Variants in CSMD1 observed in about 807,000 individuals in gnomAD.
The protein encoded by CSMD1 is CUB and Sushi multiple domains 1.
Under a neutral mutation model 417.5 loss-of-function variants are expected in CSMD1, and 213 were observed. That is an observed-to-expected ratio of 0.51 (90% CI 0.46 to 0.57). The LOEUF (loss-of-function observed/expected upper bound fraction) is 0.57. Among genes scored for constraint, CSMD1 ranks in the 20% least tolerant of loss-of-function variants. The probability of loss-of-function intolerance (pLI) is 0.00; values close to 1 mark genes in which losing one functional copy is unlikely to be tolerated. For missense variants in CSMD1, 6,923 were observed against 4,529.7 expected (o/e 1.53, Z -15.17); for synonymous variants, 2,862 against 1,736.8 (o/e 1.65, Z -16.11).
intron 3 of CSMD1, among the ~76,000 whole-genome samples, chr8:4,296,229 T>A (rs1341860971): frequency 6.6e-6 from 1 of 152,090 alleles, no homozygotes; most frequent in Non-Finnish European, 1.5e-5. Context: ...CTTAAAACCT[T>A]GATCAGTGAT....
At chr8:3,158,465 G>A (rs770306204) in intron 38 of CSMD1, among the ~76,000 whole-genome samples, 5 of 152,060 alleles carry the variant, frequency 3.3e-5, no homozygotes, top group East Asian at 1.9e-4. Flanking sequence ...GCACTGGGTC[G>A]TTTCTTTATC....
intron 48 of CSMD1, among the ~76,000 whole-genome samples, 164 bp from the exon 49 acceptor site, chr8:3,087,449 G>C (rs1014970840): frequency 2.6e-5 from 4 of 152,194 alleles, no homozygotes; most frequent in African/African-American, 9.7e-5. Context: ...AAACTTGAGA[G>C]TCTAAGAGGC....
chr8:3,019,026 T>C (rs1039473228), intron 51 of CSMD1, among the ~76,000 whole-genome samples: 1 of 152,160 alleles, frequency 6.6e-6, no homozygotes, highest in Non-Finnish European at 1.5e-5. Flanking sequence ...CAAGTGATTC[T>C]CCTCCCTCAG....
intron 12 of CSMD1, among the ~76,000 whole-genome samples, chr8:3,441,721 C>T (rs565948768): frequency 8.5e-5 from 13 of 152,092 alleles, no homozygotes; most frequent in African/African-American, 2.9e-4. Context: ...CATGTGAAAG[C>T]GGAGCAGTGC....
In CSMD1 at chr8:4,406,532, G is replaced by C. The variant is rs139877788; in HGVS notation, c.415+13421C>G. On this transcript the variant is annotated intron_variant, in intron 3 of 69. Transcript: ENST00000635120. The stretch of plus-strand genomic sequence containing the variant: ...TAGTTGATATTACTTTTCATTCTAA[G>C]AAGTTTGAGGAGCACAGAGTCCTGC... Among the ~76,000 whole-genome samples, 435 of 152,264 alleles carry C rather than the reference G, an allele frequency of 2.9e-3. 2 individuals carry two copies. Among genetic ancestry groups the C allele is most frequent in the African/African-American group, 0.01 (417 of 41,538 alleles).
At chr8:4,976,661 A>T (rs757759040) in intron 1 of CSMD1, among the ~76,000 whole-genome samples, 1 of 152,150 alleles carries the variant, frequency 6.6e-6, no homozygotes, top group African/African-American at 2.4e-5. Flanking sequence ...TCCACCCTAA[A>T]TAGGATGAGA....
rs767017345 is a variant in CSMD1 at position 4,290,361 on chromosome 8, G to A, written c.415+129592C>T. 4.9e-4 allele frequency among the ~76,000 whole-genome samples: 75 copies of A among 152,216 alleles called. 1 individual carries two copies. Among genetic ancestry groups the A allele is most frequent in the Non-Finnish European group, 8.5e-4 (58 of 68,034 alleles). On this transcript the variant is annotated intron_variant, in intron 3 of 69. Coordinates refer to ENST00000635120, the MANE Select transcript of CSMD1 (RefSeq NM_033225.6). The stretch of plus-strand genomic sequence containing the variant: ...CAGTAATGCTCTATGACATCTGAAT[G>A]GAGGGAGAGAAGCCCAAAGACGTAG...
At chr8:4,450,831 G>C (rs1056301621) in intron 2 of CSMD1, among the ~76,000 whole-genome samples, 1 of 152,154 alleles carries the variant, frequency 6.6e-6, no homozygotes, top group Admixed American at 6.5e-5. Flanking sequence ...CTGCACTTGT[G>C]AGTAAGGGTG....
chr8:3,147,283 TTCTATC>T (rs1200192940), intron 40 of CSMD1, among the ~76,000 whole-genome samples: 9 of 152,224 alleles, frequency 5.9e-5, no homozygotes, highest in African/African-American at 2.2e-4. Flanking sequence ...CTCAATAATC[TTCTATC>T]TCTATTTTCA....
At chr8:3,401,894 A>G (rs1466355141) in intron 15 of CSMD1, among the ~76,000 whole-genome samples, 1 of 152,152 alleles carries the variant, frequency 6.6e-6, no homozygotes, top group East Asian at 1.9e-4. Flanking sequence ...CACTTAGCTG[A>G]TAACAAAAAA....
rs528259401 is a variant in CSMD1 at position 3,656,591 on chromosome 8, T to C, written c.1010-39794A>G. 6.6e-5 allele frequency among the ~76,000 whole-genome samples: 10 copies of C among 152,258 alleles called. No homozygotes were observed. The East Asian group carries it at 1.7e-3, about 27-fold the overall frequency. On this transcript the variant is annotated intron_variant, in intron 7 of 69. Transcript: ENST00000635120. ...GGAGAGGAGTTTTCTTACGAAGCCC[T>C]TTACTCTCCTTTCTTCCTTGCTGGT...
At chr8:3,757,044 C>G (rs988664985) in intron 5 of CSMD1, among the ~76,000 whole-genome samples, 2 of 152,168 alleles carry the variant, frequency 1.3e-5, no homozygotes, top group African/African-American at 4.8e-5. Flanking sequence ...CTCAAGAAAT[C>G]CTCTCACCTT....
At chr8:3,834,903 T>A (rs1040970690) in intron 5 of CSMD1, among the ~76,000 whole-genome samples, 1 of 151,390 alleles carries the variant, frequency 6.6e-6, no homozygotes, top group Non-Finnish European at 1.5e-5. Context: ...AAAAAGTGGG[T>A]GAAGGACATG....
intron 2 of CSMD1, among the ~76,000 whole-genome samples, chr8:4,477,442 C>G (rs541481674): frequency 1.3e-5 from 2 of 152,298 alleles, no homozygotes; most frequent in East Asian, 3.9e-4. Context: ...GAAACTGAGT[C>G]TGGTAAAACA....
chr8:3,283,801 G>A (rs1023350251), intron 26 of CSMD1, among the ~76,000 whole-genome samples: 1 of 152,276 alleles, frequency 6.6e-6, no homozygotes, highest in Non-Finnish European at 1.5e-5. Flanking sequence ...CTATCTTTTC[G>A]TCCTCTAATC....
At chr8:3,577,951 G>C (rs1323370092) in intron 9 of CSMD1, among the ~76,000 whole-genome samples, 1 of 152,110 alleles carries the variant, frequency 6.6e-6, no homozygotes, top group African/African-American at 2.4e-5. Flanking sequence ...TGTGGCTTGA[G>C]CTGTTGTGAT....
At chr8:3,671,497 ATATATATATATATATGATCATATATATG>A (rs1563256760) in intron 7 of CSMD1, among the ~76,000 whole-genome samples, 17 of 6,760 alleles carry the variant, frequency 2.5e-3, no homozygotes, top group African/African-American at 0.011. Flanking sequence ...ATATATGATC[ATATATATATATATATGATCATATATATG>A]ATCATATATA....
chr8:4,692,406 T>C (rs1275308640), intron 1 of CSMD1, among the ~76,000 whole-genome samples: 8 of 152,166 alleles, frequency 5.3e-5, no homozygotes, highest in Non-Finnish European at 7.4e-5. Context: ...ATATCCCGGT[T>C]GCTTTTCGTG....
chr8:4,455,533 C>A (rs758186189), intron 2 of CSMD1, among the ~76,000 whole-genome samples: 2 of 152,142 alleles, frequency 1.3e-5, no homozygotes, highest in Non-Finnish European at 2.9e-5. Flanking sequence ...AGAAACACAT[C>A]ATGGGCCTCA....
Sources: gnomAD v4.1 joint callset for allele counts (sites outside exome capture counted in the v4.1 genomes callset) on GRCh38, gnomAD v4.1.1 for gene constraint, MANE v1.5 for transcripts, NCBI Gene and HGNC (gene_info 2026-07-23, HGNC 2026-07-21) for gene names.